The following PLPPR1 variants were observed in gnomAD, a reference collection of about 807,000 sequenced individuals.
The protein encoded by PLPPR1 is phospholipid phosphatase related 1.
A neutral mutation model predicts 33.1 loss-of-function variants in PLPPR1; 10 were observed. The observed-to-expected ratio is 0.30, with a 90% CI of 0.19 to 0.51. PLPPR1 has a LOEUF of 0.51. PLPPR1 is among the 20% of genes least tolerant of loss of function. The pLI, the probability that PLPPR1 is intolerant of heterozygous loss-of-function variation, is 0.97. For missense variants in PLPPR1, 304 were observed against 408.1 expected (o/e 0.74, Z 2.20); for synonymous variants, 151 against 151.0 (o/e 1.00, Z 0.00).
At chr9:101,145,389 AT>A (rs939559269) in intron 1 of PLPPR1, among the ~76,000 whole-genome samples, 4 of 151,450 alleles carry the variant, frequency 2.6e-5, no homozygotes, top group Non-Finnish European at 1.5e-5. Context: ...AATCTATACA[AT>A]TTTTTTTTGA....
At chr9:101,074,632 T>C (rs1405623574) in intron 1 of PLPPR1, among the ~76,000 whole-genome samples, 2 of 152,142 alleles carry the variant, frequency 1.3e-5, no homozygotes, top group African/African-American at 4.8e-5. Context: ...TCCTGTTCTC[T>C]TTGGTTGCTA....
intron 2 of PLPPR1, among the ~76,000 whole-genome samples, chr9:101,231,247 G>A (rs1564185327): frequency 1.4e-5 from 2 of 146,778 alleles, no homozygotes; most frequent in African/African-American, 5.2e-5. Flanking sequence ...ATTGCGGGAA[G>A]GGAAAAAAGA....
At chr9:101,064,339 A>C (rs184261415) in intron 1 of PLPPR1, among the ~76,000 whole-genome samples, 1 of 134,138 alleles carries the variant, frequency 7.5e-6, no homozygotes. Context: ...CATGGGATTA[A>C]TATTTATAGA....
In PLPPR1 at chr9:101,324,845, G is replaced by C. The variant is rs1332886481; in HGVS notation, c.*788G>C. 1 of 152,586 alleles carries C rather than the reference G, an allele frequency of 6.6e-6. No homozygotes were observed. The highest frequency in any genetic ancestry group is 2.4e-5 in the African/African-American group (1 of 41,428). 9.5% of individuals were successfully genotyped at this position (152,586 alleles called of 1,614,324 possible). ...TATTATATGGACTTTATATGAAAAT[G>C]AATATTTTACAGTTTGCACAGTATT... On this transcript the variant is annotated 3_prime_UTR_variant, in exon 8 of 8. Transcript: ENST00000374874.
chr9:101,144,834 A>G (rs888157292), intron 1 of PLPPR1, among the ~76,000 whole-genome samples: 3 of 152,168 alleles, frequency 2.0e-5, no homozygotes, highest in Admixed American at 6.5e-5. Flanking sequence ...TCTATGTCCA[A>G]TTTCATTTCC....
At chr9:101,158,906 G>T (rs1220069501) in intron 1 of PLPPR1, among the ~76,000 whole-genome samples, 1 of 152,192 alleles carries the variant, frequency 6.6e-6, no homozygotes, top group Non-Finnish European at 1.5e-5. Flanking sequence ...TAAGTTTGGA[G>T]GACTGGCTTC....
intron 2 of PLPPR1, among the ~76,000 whole-genome samples, chr9:101,195,524 C>T (rs1000643395): frequency 6.6e-6 from 1 of 151,966 alleles, no homozygotes; most frequent in Non-Finnish European, 1.5e-5. Context: ...AGAGTTCAAG[C>T]AGAGACCAGT....
intron 2 of PLPPR1, among the ~76,000 whole-genome samples, chr9:101,203,299 T>G (rs1225234544): frequency 6.6e-6 from 1 of 152,178 alleles, no homozygotes; most frequent in African/African-American, 2.4e-5. Flanking sequence ...CCATTACTTT[T>G]AAAGCATAAC....
intron 2 of PLPPR1, among the ~76,000 whole-genome samples, chr9:101,194,753 C>CAAAAAA (rs11439112): frequency 5.1e-5 from 6 of 116,926 alleles, no homozygotes; most frequent in East Asian, 2.2e-4. Flanking sequence ...AACTCCATCT[C>CAAAAAA]AAAAAAAAAA....
At chr9:101,130,197 GC>G (rs1831297763) in intron 1 of PLPPR1, among the ~76,000 whole-genome samples, 1 of 151,996 alleles carries the variant, frequency 6.6e-6, no homozygotes, top group South Asian at 2.1e-4. Context: ...GGGGGAAAAA[GC>G]AAAAAAAATT....
At chr9:101,036,218 C>A (rs947407187) in intron 1 of PLPPR1, among the ~76,000 whole-genome samples, 11 of 152,288 alleles carry the variant, frequency 7.2e-5, no homozygotes, top group Admixed American at 7.2e-4. Context: ...TACATCCTAG[C>A]TTTCCTATAC....
At chr9:101,263,006 G>A (rs10116046) in intron 2 of PLPPR1, among the ~76,000 whole-genome samples, 64,280 of 151,904 alleles carry the variant, frequency 0.42, 13,866 homozygotes, top group South Asian at 0.51. Context: ...GCCTGTCAGT[G>A]GGTAGGGGCC....
intron 1 of PLPPR1, among the ~76,000 whole-genome samples, chr9:101,164,929 G>A (rs1381399642): frequency 4.6e-5 from 7 of 152,068 alleles, no homozygotes; most frequent in Admixed American, 1.3e-4. Context: ...AGATATGAGA[G>A]GGGAGGGGGT....
intron 4 of PLPPR1, among the ~76,000 whole-genome samples, chr9:101,286,589 A>G (rs1828399708): frequency 6.6e-6 from 1 of 152,166 alleles, no homozygotes; most frequent in Non-Finnish European, 1.5e-5. Flanking sequence ...GAAATAGTCA[A>G]ATTTCCTGAC....
At chr9:101,094,634 A>G (rs1351937027) in intron 1 of PLPPR1, among the ~76,000 whole-genome samples, 31 of 152,310 alleles carry the variant, frequency 2.0e-4, no homozygotes, top group Non-Finnish European at 1.5e-5. Flanking sequence ...CATAAATACC[A>G]TCATATTAGA....
chr9:101,109,134 A>ATTTTTTTTT (rs67666339), intron 1 of PLPPR1, among the ~76,000 whole-genome samples: 96 of 99,616 alleles, frequency 9.6e-4, no homozygotes, highest in Non-Finnish European at 1.3e-3. Context: ...AATTTTTTGT[A>ATTTTTTTTT]TTTTTTTTTT....
intron 7 of PLPPR1, among the ~76,000 whole-genome samples, chr9:101,318,456 T>A (rs958064406): frequency 1.3e-5 from 2 of 152,028 alleles, no homozygotes; most frequent in Non-Finnish European, 2.9e-5. Context: ...CTATAATTCC[T>A]ATTTCACAGG....
At chr9:101,301,520 A>G (rs1475338270) in intron 4 of PLPPR1, among the ~76,000 whole-genome samples, 1 of 152,186 alleles carries the variant, frequency 6.6e-6, no homozygotes, top group Non-Finnish European at 1.5e-5. Context: ...GACTTTAATA[A>G]AATCTTTTCT....
At chr9:101,157,783 C>G (rs570582693) in intron 1 of PLPPR1, among the ~76,000 whole-genome samples, 33 of 152,026 alleles carry the variant, frequency 2.2e-4, no homozygotes, top group Non-Finnish European at 4.0e-4. Flanking sequence ...GGGTGGATCA[C>G]TTGAGGCTGG....
Sources: gnomAD v4.1 joint callset for allele counts (sites outside exome capture counted in the v4.1 genomes callset) on GRCh38, gnomAD v4.1.1 for gene constraint, MANE v1.5 for transcripts, NCBI Gene and HGNC (gene_info 2026-07-23, HGNC 2026-07-21) for gene names.